TLL1: variants seen among roughly 807,000 people sequenced by gnomAD.
TLL1 encodes the protein tolloid-like protein 1.
Under a neutral mutation model 128.2 loss-of-function variants are expected in TLL1, and 49 were observed. That is an observed-to-expected ratio of 0.38 (90% CI 0.30 to 0.48). The LOEUF is 0.48. Among genes scored for constraint, TLL1 ranks in the 20% least tolerant of loss-of-function variants. TLL1 has a pLI of 0.96. For missense variants in TLL1, 1,123 were observed against 1,242.0 expected, an observed-to-expected ratio of 0.90 and a Z score of 1.44; for synonymous variants, 454 against 418.8, an observed-to-expected ratio of 1.08 and a Z score of -1.03.
At position 166,020,528 on chromosome 4, in the gene TLL1, C is replaced by G. The variant is rs376321819; in HGVS notation, c.1043-4788C>G. 1.1e-4 allele frequency among the ~76,000 whole-genome samples: 16 copies of G among 152,242 alleles called. No homozygotes were observed. The East Asian group carries it at 2.9e-3, about 28-fold the overall frequency. Reference sequence around the variant, plus strand: ...TGATTGATTTGTTCTCAGATTTTCTCTCTTTTGGGGTCCCCTTTTTCTATG... The same window carrying G: ...TGATTGATTTGTTCTCAGATTTTCTGTCTTTTGGGGTCCCCTTTTTCTATG... On this transcript the variant is annotated intron_variant, in intron 8 of 20. Coordinates refer to ENST00000061240, the MANE Select transcript of TLL1 (RefSeq NM_012464.5).
chr4:165,941,989 A>G (rs148653108), intron 1 of TLL1, among the ~76,000 whole-genome samples: 246 of 152,148 alleles, frequency 1.6e-3, no homozygotes, highest in African/African-American at 5.5e-3. Context: ...TAAGTTTTGG[A>G]TATTAACACC....
chr4:165,962,217 A>G (rs1287888468), intron 1 of TLL1, among the ~76,000 whole-genome samples: 1 of 152,176 alleles, frequency 6.6e-6, no homozygotes, highest in Non-Finnish European at 1.5e-5. Flanking sequence ...AGGAACTTAA[A>G]TCCATAAACA....
intron 15 of TLL1, among the ~76,000 whole-genome samples, chr4:166,065,037 C>T (rs1740507348): frequency 6.6e-6 from 1 of 152,002 alleles, no homozygotes; most frequent in African/African-American, 2.4e-5. Context: ...CATAAAATTG[C>T]TTAAGAATAC....
chr4:165,894,554 C>T (rs1731580419), intron 1 of TLL1, among the ~76,000 whole-genome samples: 1 of 152,172 alleles, frequency 6.6e-6, no homozygotes, highest in Admixed American at 6.5e-5. Context: ...TGCCATCCAA[C>T]TTAACCTATG....
chr4:166,096,550 C>T (rs1013045682), intron 19 of TLL1, among the ~76,000 whole-genome samples: 7 of 152,028 alleles, frequency 4.6e-5, no homozygotes, highest in South Asian at 2.1e-4. Context: ...CTGTGGCTGG[C>T]GAAGGGTTGC....
At chr4:165,950,967 G>A (rs1425169068) in intron 1 of TLL1, among the ~76,000 whole-genome samples, 1 of 152,024 alleles carries the variant, frequency 6.6e-6, no homozygotes, top group Non-Finnish European at 1.5e-5. Context: ...GAAACCAAAA[G>A]CTGATTCTTT....
At chr4:165,988,086 G>A (rs562370222) in intron 1 of TLL1, among the ~76,000 whole-genome samples, 1 of 151,932 alleles carries the variant, frequency 6.6e-6, no homozygotes, top group East Asian at 1.9e-4. Context: ...CTTATTTCTC[G>A]AGTTTTTTGT....
chr4:166,038,988 T>C (rs1739122964), intron 9 of TLL1, among the ~76,000 whole-genome samples: 1 of 152,226 alleles, frequency 6.6e-6, no homozygotes, highest in African/African-American at 2.4e-5. Context: ...GCTCAAGCCA[T>C]GTTTATCTTG....
At chr4:166,003,651 C>A (rs1250794474) in intron 6 of TLL1, 82 bp downstream of exon 6, 4 of 1,437,190 alleles carry the variant, frequency 2.8e-6, no homozygotes, top group East Asian at 2.4e-5. Context: ...TTTCACTTTC[C>A]CAAAAATGTA....
Position 166,055,268 on chromosome 4 carries a change from A to C in TLL1, c.1717A>C (p.Lys573Gln). The part of the protein sequence containing the change: ...NKAGFAANFF[K>Q]EEDECAKPDR... Reference sequence around the variant, plus strand: ...AGCAGGGTTTGCTGCTAACTTTTTTAAAGGTAATTTGAAATAATTTTCAAA... The same window carrying C: ...AGCAGGGTTTGCTGCTAACTTTTTTCAAGGTAATTTGAAATAATTTTCAAA... Residue 573 changes from lysine to glutamine, a missense_variant, in exon 13 of 21, where the codon AAA becomes CAA. Transcript: ENST00000061240. 1 of 1,613,358 alleles carries C rather than the reference A, an allele frequency of 6.2e-7. No individual in the cohort carries two copies. The highest frequency in any genetic ancestry group is 8.5e-7 in the Non-Finnish European group (1 of 1,179,580).
At chr4:166,030,791 A>G in intron 9 of TLL1, 9 of 1,079,414 alleles carry the variant, frequency 8.3e-6, no homozygotes, top group Non-Finnish European at 1.0e-5. Flanking sequence ...ATTATGGCTT[A>G]TTTTGGTCCT....
At chr4:166,061,542 G>A (rs1197933227) in intron 15 of TLL1, among the ~76,000 whole-genome samples, 5 of 151,972 alleles carry the variant, frequency 3.3e-5, no homozygotes, top group African/African-American at 7.2e-5. Context: ...ACCGTGCCTG[G>A]CCTCTTTCCT....
intron 19 of TLL1, among the ~76,000 whole-genome samples, chr4:166,095,042 G>A (rs533537200): frequency 4.6e-4 from 70 of 152,200 alleles, no homozygotes; most frequent in South Asian, 2.3e-3. Flanking sequence ...CATTTGCTAC[G>A]TGTATAAAGC....
At chr4:165,925,668 CT>C (rs1733236137) in intron 1 of TLL1, among the ~76,000 whole-genome samples, 2 of 152,292 alleles carry the variant, frequency 1.3e-5, no homozygotes, top group East Asian at 3.9e-4. Flanking sequence ...AGAAGACTGA[CT>C]TCAAGTTTCA....
At chr4:165,940,625 T>A (rs568222636) in intron 1 of TLL1, among the ~76,000 whole-genome samples, 1 of 152,132 alleles carries the variant, frequency 6.6e-6, no homozygotes, top group Admixed American at 6.5e-5. Context: ...TTCAAAAAAA[T>A]GTTTCTCATT....
chr4:166,005,153 A>G (rs1028891885), intron 6 of TLL1, among the ~76,000 whole-genome samples: 1 of 152,080 alleles, frequency 6.6e-6, no homozygotes, highest in South Asian at 2.1e-4. Flanking sequence ...GTACCATCAC[A>G]TGAAACATTT....
chr4:165,884,567 G>C (rs1441404212), intron 1 of TLL1, among the ~76,000 whole-genome samples: 3 of 152,160 alleles, frequency 2.0e-5, no homozygotes, highest in Non-Finnish European at 1.5e-5. Context: ...TGGGCGCAGT[G>C]GCTCATGCCT....
chr4:166,097,966 A>G (rs547369258), intron 19 of TLL1, among the ~76,000 whole-genome samples: 9 of 151,868 alleles, frequency 5.9e-5, no homozygotes, highest in Non-Finnish European at 1.0e-4. Context: ...CCTCCTAACC[A>G]CCATGCTTGC....
intron 15 of TLL1, among the ~76,000 whole-genome samples, chr4:166,062,096 T>C (rs1479298019): frequency 6.6e-6 from 1 of 152,232 alleles, no homozygotes; most frequent in Non-Finnish European, 1.5e-5. Context: ...TTGGTACCAG[T>C]ACCATGCTGT....
Sources: gnomAD v4.1 joint callset for allele counts (sites outside exome capture counted in the v4.1 genomes callset) on GRCh38, gnomAD v4.1.1 for gene constraint, MANE v1.5 for transcripts, NCBI Gene and HGNC (gene_info 2026-07-23, HGNC 2026-07-21) for gene names.